The following CDK11A variants were observed in gnomAD, a reference collection of about 807,000 sequenced individuals.
CDK11A encodes the protein cyclin-dependent kinase 11A.
In CDK11A, 55 loss-of-function variants were observed where a neutral mutation model predicts 83.6. The ratio of observed to expected loss-of-function variants is 0.66; its 90% CI spans 0.53 to 0.82. The LOEUF (loss-of-function observed/expected upper bound fraction) is 0.82. Among genes scored for constraint, CDK11A ranks in the 40% least tolerant of loss-of-function variants. The pLI is 0.00. For missense variants in CDK11A, 564 were observed against 810.1 expected (o/e 0.70, Z 3.69); for synonymous variants, 247 against 302.7 (o/e 0.82, Z 1.91).
At position 1,716,859 on chromosome 1, in the gene CDK11A, G is replaced by T. The variant is rs1452964328; in HGVS notation, c.356-381C>A. Reference sequence around the variant, plus strand: ...AAAAAAAAAAAAAAAAAAATCACATGAAAATGAAATTAAATCAAGAACATT... The same window carrying T: ...AAAAAAAAAAAAAAAAAAATCACATTAAAATGAAATTAAATCAAGAACATT... On this transcript the variant is annotated intron_variant, in intron 4 of 19. Transcript: ENST00000404249. Among the ~76,000 whole-genome samples, 9 of 120,444 alleles carry T rather than the reference G, an allele frequency of 7.5e-5. 1 individual carries two copies. The East Asian group carries it at 1.5e-3, about 19-fold the overall frequency. The allele number at this position is 120,444 out of a possible 152,430, so 79.0% of individuals were successfully genotyped here. A position where few individuals can be genotyped will look rare whatever the true frequency, so the allele number is the denominator to read the frequency against.
At chr1:1,716,814 CAAAAAAAAAAAAAAAAAAAAAAAAA>C (rs1168780288) in intron 4 of CDK11A, among the ~76,000 whole-genome samples, 1 of 76,722 alleles carries the variant, frequency 1.3e-5, no homozygotes, top group Admixed American at 1.5e-4. Flanking sequence ...GACTCCATCT[CAAAAAAAAAAAAAAAAAAAAAAAAA>C]AAAAAAAAAA....
At chr1:1,721,477 T>C in intron 3 of CDK11A, 119 bp downstream of exon 3, 3 of 1,201,180 alleles carry the variant, frequency 2.5e-6, no homozygotes, top group Non-Finnish European at 3.5e-6. Context: ...ACGGTAACTC[T>C]AGGAAAGAGT....
rs75015061 is a variant in CDK11A, at chr1:1,714,567, A to C, written c.488+1779T>G. Among the ~76,000 whole-genome samples, 2 of 37,808 alleles carry C rather than the reference A, an allele frequency of 5.3e-5. 1 individual carries two copies. Among genetic ancestry groups the C allele is most frequent in the Non-Finnish European group, 2.7e-4 (2 of 7,278 alleles). 24.8% of individuals were successfully genotyped at this position (37,808 alleles called of 152,430 possible). ...GTGAAATCCATCTCCCTCATAGCTC[A>C]TGGCCACCCCGTTCCTTCCCACATG... On this transcript the variant is annotated intron_variant, in intron 5 of 19. Transcript: ENST00000404249.
In CDK11A at chr1:1,716,387, C is replaced by T. The variant is rs900168817; in HGVS notation, c.447G>A (p.Gln149=). ...GCTCCCTTGCCATTTCCCTTCTCTTCTGTCTTTCCCATTCCCGGCGAGCTT... is the reference window on the plus strand; with the variant it reads ...GCTCCCTTGCCATTTCCCTTCTCTTTTGTCTTTCCCATTCCCGGCGAGCTT... The part of the protein sequence containing the change: ...QDKARREWER[Q]KRREMAREHS... The change falls in exon 5 of 20, where the codon CAG becomes CAA. Residue 149 remains glutamine (Q), a synonymous_variant. Transcript: ENST00000404249. 3 of 1,609,220 alleles carry T rather than the reference C, an allele frequency of 1.9e-6. No homozygotes were observed. The highest frequency in any genetic ancestry group is 2.5e-6 in the Non-Finnish European group (3 of 1,176,700).
chr1:1,705,048 A>C (rs1157532985), intron 12 of CDK11A, 23 bp from the exon 13 acceptor site: 6 of 1,586,092 alleles, frequency 3.8e-6, no homozygotes, highest in African/African-American at 1.6e-5. Flanking sequence ...TACAGACGGC[A>C]CTGAGAGGCA....
Position 1,722,460 on chromosome 1 carries a change from T to C in CDK11A, c.111+248A>G. ...CTAATAATGAACCGAGAAAAATTAG[T>C]CCAGTTTTGCTAATGACTTAACATT... is the stretch of plus-strand genomic sequence containing the variant. On this transcript the variant is annotated intron_variant, in intron 2 of 19. Transcript: ENST00000404249. The C allele has an allele frequency of 2.9e-6, 2 of 691,664 alleles. 1 individual carries two copies. Among genetic ancestry groups the C allele is most frequent in the South Asian group, 3.4e-5 (2 of 59,438 alleles). The allele number at this position is 691,664 out of a possible 1,614,324, so 42.8% of individuals were successfully genotyped here.
chr1:1,708,632 T>G (rs1644411986), intron 9 of CDK11A, among the ~76,000 whole-genome samples, 162 bp downstream of exon 9: 1 of 131,022 alleles, frequency 7.6e-6, no homozygotes, highest in Admixed American at 7.6e-5. Context: ...CAGATCAAGA[T>G]TCCATCTCAA....
At chr1:1,721,328 C>A (rs1470917178) in intron 3 of CDK11A, among the ~76,000 whole-genome samples, 1 of 150,204 alleles carries the variant, frequency 6.7e-6, no homozygotes. Flanking sequence ...GAAGAGTAAA[C>A]CTCAATAGTT....
intron 4 of CDK11A, 117 bp from the exon 5 acceptor site, chr1:1,716,595 C>T (rs1169495026): frequency 2.0e-6 from 2 of 993,754 alleles, no homozygotes; most frequent in Non-Finnish European, 3.0e-6. Flanking sequence ...GGGTGGATCA[C>T]CTGAGGTCAG....
rs1301077111 is a variant in CDK11A at position 1,722,820 on chromosome 1, T to C, written c.-2A>G. On this transcript the variant is annotated 5_prime_UTR_variant, in exon 2 of 20. Coordinates refer to ENST00000404249, the MANE Select transcript of CDK11A (RefSeq NM_024011.4). ...CCAAGAGTCCTTTTCATCACCCATT[T>C]GAGTTAAAACACTGCAAAAAGAAAA... 13 of 1,349,040 alleles carry C rather than the reference T, an allele frequency of 9.6e-6. No homozygotes were observed. The highest frequency in any genetic ancestry group is 1.1e-5 in the Non-Finnish European group (11 of 1,010,396). The allele number at this position is 1,349,040 out of a possible 1,614,324, so 83.6% of individuals were successfully genotyped here. A position where few individuals can be genotyped will look rare whatever the true frequency, so the allele number is the denominator to read the frequency against.
chr1:1,717,366 T>A (rs1186461674), intron 4 of CDK11A, among the ~76,000 whole-genome samples: 1 of 130,974 alleles, frequency 7.6e-6, no homozygotes, highest in African/African-American at 2.5e-5. Context: ...GGGCTCCAGG[T>A]CCAATTTTCC....
At position 1,704,616 on chromosome 1, in the gene CDK11A, C is replaced by A; in HGVS notation, c.1498G>T (p.Val500Leu). ...VGSNMDKIYI[V>L]MNYVEHDLKS... ...AGGTCGTGCTCCACGTAGTTCATCA[C>A]GATGTAGATCTTGTCCATGTTGCTG... The change falls in exon 14 of 20, where the codon GTG (valine) becomes TTG (leucine). Residue 500 changes from valine to leucine, a missense_variant. Physicochemically the swap from Val to Leu is conservative, Grantham distance 32. This residue lies in a region of CDK11A where 361 missense variants were observed against 402.7 expected (regional missense o/e 0.90). Coordinates refer to ENST00000404249, the MANE Select transcript of CDK11A (RefSeq NM_024011.4). The A allele has an allele frequency of 6.3e-7, 1 of 1,599,990 alleles. No individual in the cohort carries two copies. The highest frequency in any genetic ancestry group is 8.5e-7 in the Non-Finnish European group (1 of 1,172,578).
chr1:1,714,011 G>C lies in CDK11A; in HGVS notation c.489-1611C>G, dbSNP rs1356710201. ...GCCTTCTGGCCTCCATTGTTTCTAA[G>C]AAGTCAGTGGCTGGCGGTATTGAAG... is the stretch of plus-strand genomic sequence containing the variant. On this transcript the variant is annotated intron_variant, in intron 5 of 19. Coordinates refer to ENST00000404249, the MANE Select transcript of CDK11A (RefSeq NM_024011.4). 7.2e-5 allele frequency among the ~76,000 whole-genome samples: 3 copies of C among 41,682 alleles called. 1 individual carries two copies. The highest frequency in any genetic ancestry group is 1.2e-4 in the African/African-American group (3 of 25,910). 27.3% of individuals were successfully genotyped at this position (41,682 alleles called of 152,430 possible).
intron 4 of CDK11A, among the ~76,000 whole-genome samples, chr1:1,718,193 C>T (rs76854454): frequency 6.8e-5 from 9 of 131,612 alleles, no homozygotes; most frequent in South Asian, 2.5e-4. Flanking sequence ...CGCATGCTTT[C>T]AGCTAGGGTA....
chr1:1,715,882 A>G (rs202034995), intron 5 of CDK11A, among the ~76,000 whole-genome samples: 3 of 150,838 alleles, frequency 2.0e-5, no homozygotes, highest in Non-Finnish European at 3.0e-5. Context: ...CAGGAGTCCT[A>G]GGAGTCCAGT....
chr1:1,703,332 G>C (rs1271822064), intron 18 of CDK11A, 63 bp from the exon 19 acceptor site: 1 of 661,122 alleles, frequency 1.5e-6, no homozygotes, highest in Non-Finnish European at 2.2e-6. Context: ...CCCCAAAGAT[G>C]GGCTGTGTTG....
At position 1,704,349 on chromosome 1, in the gene CDK11A, G is replaced by A; in HGVS notation, c.1565-5C>T. 2 of 1,606,922 alleles carry A rather than the reference G, an allele frequency of 1.2e-6. No homozygotes were observed. The highest frequency in any genetic ancestry group is 2.2e-5 in the South Asian group (2 of 90,548). On this transcript the variant is annotated splice_polypyrimidine_tract_variant and splice_region_variant and intron_variant, in intron 14 of 19. Coordinates refer to ENST00000404249, the MANE Select transcript of CDK11A (RefSeq NM_024011.4). Reference sequence around the variant, plus strand: ...TCATCAGGGTCTTCACCTCCCCTGGGAGGGAGGGAGGCTCCCATGTGGACC... The same window carrying A: ...TCATCAGGGTCTTCACCTCCCCTGGAAGGGAGGGAGGCTCCCATGTGGACC...
Position 1,704,116 on chromosome 1 carries a change from C to T in CDK11A, c.1717G>A (p.Gly573Arg), listed in dbSNP as rs774477354. The T allele has an allele frequency of 1.6e-5, 25 of 1,602,640 alleles. No homozygotes were observed. Among genetic ancestry groups the T allele is most frequent in the Admixed American group, 3.4e-5 (2 of 59,440 alleles). The change falls in exon 16 of 20, where the codon GGA becomes AGA. Residue 573 changes from glycine to arginine, a missense_variant. By Grantham distance (125) the Gly-to-Arg change is moderately radical. Coordinates refer to ENST00000404249, the MANE Select transcript of CDK11A (RefSeq NM_024011.4). ...VGDFGLAREYGSPLKAYTPVV... is the reference protein window; with the variant it reads ...VGDFGLAREYRSPLKAYTPVV... ...GGGGTGTAGGCCTTCAGAGGGGATC[C>T]GTACTCCCGCGCCAGCCCAAAATCA...
Position 1,704,112 on chromosome 1 carries a change from G to A in CDK11A, c.1721C>T (p.Ser574Phe). The change falls in exon 16 of 20, where the codon TCC becomes TTC. Residue 574 changes from serine to phenylalanine, a missense_variant. Transcript: ENST00000404249. ...GDFGLAREYG[S>F]PLKAYTPVVV... ...GACCGGGGTGTAGGCCTTCAGAGGG[G>A]ATCCGTACTCCCGCGCCAGCCCAAA... 2 of 1,602,916 alleles carry A rather than the reference G, an allele frequency of 1.2e-6. No homozygotes were observed. Among genetic ancestry groups the A allele is most frequent in the Admixed American group, 3.4e-5 (2 of 59,476 alleles).
Sources: allele counts gnomAD v4.1 joint callset (sites outside exome capture counted in the v4.1 genomes callset), GRCh38; gene constraint gnomAD v4.1.1; regional missense constraint gnomAD v4.1.1; transcripts MANE v1.5; gene names NCBI Gene and HGNC (gene_info 2026-07-23, HGNC 2026-07-21).